The following SULT4A1 variants were observed in gnomAD, a reference collection of about 807,000 sequenced individuals.
SULT4A1 encodes the protein sulfotransferase family 4A member 1.
A neutral mutation model predicts 35.2 loss-of-function variants in SULT4A1; 11 were observed. That is an observed-to-expected ratio of 0.31 (90% CI 0.20 to 0.52). The LOEUF is 0.52. SULT4A1 is among the 20% of genes least tolerant of loss of function. SULT4A1 has a pLI of 0.97. For missense variants in SULT4A1, 271 were observed against 383.7 expected (o/e 0.71, Z 2.45); for synonymous variants, 152 against 151.8 (o/e 1.00, Z -0.01).
At chr22:43,827,427 T>C in intron 6 of SULT4A1, 2 of 1,194,088 alleles carry the variant, frequency 1.7e-6, no homozygotes, top group Non-Finnish European at 2.1e-6. Context: ...GGGGCAAAAT[T>C]AGAAGCTGCT....
chr22:43,837,941 G>A (rs550872799), intron 4 of SULT4A1, among the ~76,000 whole-genome samples: 1 of 152,334 alleles, frequency 6.6e-6, no homozygotes, highest in East Asian at 1.9e-4. Context: ...AAAACAGAAA[G>A]TGTATTTTCA....
chr22:43,841,115 G>C (rs1186318705), intron 2 of SULT4A1, among the ~76,000 whole-genome samples: 1 of 152,258 alleles, frequency 6.6e-6, no homozygotes, highest in Non-Finnish European at 1.5e-5. Context: ...ACGACTCCCA[G>C]ATGGTTCCGC....
At chr22:43,860,253 G>C (rs917800776) in intron 1 of SULT4A1, among the ~76,000 whole-genome samples, 2 of 152,260 alleles carry the variant, frequency 1.3e-5, no homozygotes, top group South Asian at 2.1e-4. Flanking sequence ...CTGGCTACTT[G>C]CCCCAACCCC....
exon 1 of SULT4A1, chr22:43,862,505 AGGCGTGACGTCATGGCGCCG>A: frequency 2.2e-6 from 2 of 891,812 alleles, no homozygotes; most frequent in Non-Finnish European, 2.7e-6. Flanking sequence ...GCAGCTCCGC[AGGCGTGACGTCATGGCGCCG>A]CCGACGCGCG....
intron 1 of SULT4A1, among the ~76,000 whole-genome samples, chr22:43,856,341 C>A (rs1389530924): frequency 6.6e-6 from 1 of 152,140 alleles, no homozygotes; most frequent in South Asian, 2.1e-4. Context: ...AGGAAACTGT[C>A]CCTGGGCCCT....
At chr22:43,838,818 G>A (rs749146549) in intron 4 of SULT4A1, 49 bp downstream of exon 4, 24 of 1,609,324 alleles carry the variant, frequency 1.5e-5, no homozygotes, top group Admixed American at 5.0e-5. Context: ...GGCCGTCCAC[G>A]ACAACAGACG....
At chr22:43,847,681 G>C (rs1435465061) in intron 1 of SULT4A1, among the ~76,000 whole-genome samples, 2 of 152,098 alleles carry the variant, frequency 1.3e-5, no homozygotes, top group African/African-American at 4.8e-5. Context: ...GCCAGCTTGG[G>C]CTTGCTCTGT....
rs750547397 is a variant in SULT4A1, at chr22:43,829,049, G to T, written c.742+11C>A. 7.1e-5 allele frequency: 108 copies of T among 1,516,294 alleles called. No individual in the cohort carries two copies. The Middle Eastern group carries it at 1.3e-3, about 18-fold the overall frequency. The allele number at this position is 1,516,294 out of a possible 1,614,324, so 93.9% of individuals were successfully genotyped here. Reference sequence around the variant, plus strand: ...GGAGTGCCTGGGCGGGAGGCAGGGTGGGGCACGTACCCCGGCCCACGGGCA... The same window carrying T: ...GGAGTGCCTGGGCGGGAGGCAGGGTTGGGCACGTACCCCGGCCCACGGGCA... On this transcript the variant is annotated intron_variant, in intron 6 of 6. Transcript: ENST00000330884.
intron 5 of SULT4A1, among the ~76,000 whole-genome samples, chr22:43,831,982 C>A (rs1043734611): frequency 6.6e-6 from 1 of 152,264 alleles, no homozygotes; most frequent in Non-Finnish European, 1.5e-5. Flanking sequence ...ACAGTCCTCC[C>A]AGCCACACAG....
intron 5 of SULT4A1, among the ~76,000 whole-genome samples, chr22:43,829,772 A>C (rs370782562): frequency 9.3e-4 from 113 of 121,794 alleles, no homozygotes; most frequent in Admixed American, 1.2e-3. Flanking sequence ...CCAGCCCCCC[A>C]CCCCTGCCAC....
chr22:43,838,753 A>T, intron 4 of SULT4A1, 114 bp downstream of exon 4: 2 of 1,443,918 alleles, frequency 1.4e-6, no homozygotes, highest in Non-Finnish European at 1.9e-6. Flanking sequence ...GGCCTGACCT[A>T]CATGGTCACT....
intron 1 of SULT4A1, among the ~76,000 whole-genome samples, chr22:43,848,705 A>G (rs905863752): frequency 5.3e-5 from 8 of 152,174 alleles, no homozygotes; most frequent in African/African-American, 1.7e-4. Flanking sequence ...GGCTGTGGCC[A>G]CACTGGGCCC....
At position 43,862,358 on chromosome 22, in the gene SULT4A1, G is replaced by C. The variant is rs1433107320; in HGVS notation, c.25C>G (p.Pro9Ala). 6.7e-7 allele frequency: 1 copy of C among 1,495,570 alleles called. No individual in the cohort carries two copies. Among genetic ancestry groups the C allele is most frequent in the Non-Finnish European group, 9.0e-7 (1 of 1,114,374 alleles). 92.6% of individuals were successfully genotyped at this position (1,495,570 alleles called of 1,614,324 possible). ...CTCTCGAACTCCCCCGGGGTGCTGG[G>C]GGTCTCGGCCTCGCTCTCCGCCATG... is the stretch of plus-strand genomic sequence containing the variant. Reference protein sequence around the residue: MAESEAETPSTPGEFESKY... With the variant: MAESEAETASTPGEFESKY... The change falls in exon 1 of 7, where the codon CCC becomes GCC. Residue 9 changes from proline to alanine, a missense_variant. Physicochemically the swap from Pro to Ala is conservative, Grantham distance 27. Around this residue, in one of 3 missense-constraint regions of SULT4A1, gnomAD observed 164 missense variants for 254.1 expected, o/e 0.65. Coordinates refer to ENST00000330884, the MANE Select transcript of SULT4A1 (RefSeq NM_014351.4).
At chr22:43,854,200 G>C (rs1371698154) in intron 1 of SULT4A1, among the ~76,000 whole-genome samples, 1 of 152,146 alleles carries the variant, frequency 6.6e-6, no homozygotes, top group Non-Finnish European at 1.5e-5. Flanking sequence ...GGGACTTCAC[G>C]GCCCCTCATA....
In SULT4A1 at chr22:43,835,091, C is replaced by G. The variant is rs1042597510; in HGVS notation, c.509-1357G>C. Among the ~76,000 whole-genome samples, 5 of 147,834 alleles carry G rather than the reference C, an allele frequency of 3.4e-5. 1 individual carries two copies. The highest frequency in any genetic ancestry group is 7.5e-5 in the Non-Finnish European group (5 of 66,766). Reference sequence around the variant, plus strand: ...CGCGGCCCTGAGCTTCCCGCGCCCCCACCGCTGCCCTGAGCTTCCCGCAGC... The same window carrying G: ...CGCGGCCCTGAGCTTCCCGCGCCCCGACCGCTGCCCTGAGCTTCCCGCAGC... On this transcript the variant is annotated intron_variant, in intron 4 of 6. Transcript: ENST00000330884.
chr22:43,853,036 A>C (rs935260001), intron 1 of SULT4A1, among the ~76,000 whole-genome samples: 1 of 152,002 alleles, frequency 6.6e-6, no homozygotes. Flanking sequence ...ACACAGACAC[A>C]CATGTATACT....
At chr22:43,841,042 C>A (rs1457792906) in intron 2 of SULT4A1, among the ~76,000 whole-genome samples, 3 of 152,268 alleles carry the variant, frequency 2.0e-5, no homozygotes, top group African/African-American at 7.2e-5. Flanking sequence ...CTGTCAGTCA[C>A]TGCTGCCCCC....
chr22:43,827,173 G>T, intron 6 of SULT4A1: 1 of 985,426 alleles, frequency 1.0e-6, no homozygotes, highest in Non-Finnish European at 1.2e-6. Flanking sequence ...TGCTCGTTTA[G>T]AATTCTTTCC....
At chr22:43,839,128 C>G in intron 3 of SULT4A1, 135 bp from the exon 4 acceptor site, 2 of 1,217,750 alleles carry the variant, frequency 1.6e-6, no homozygotes, top group Admixed American at 2.2e-5. Flanking sequence ...CAGCTGGGGC[C>G]CATGTGCACG....
Sources: gnomAD v4.1 joint callset for allele counts (sites outside exome capture counted in the v4.1 genomes callset) on GRCh38, gnomAD v4.1.1 for gene constraint, gnomAD v4.1.1 regional missense constraint, MANE v1.5 for transcripts, NCBI Gene and HGNC (gene_info 2026-07-23, HGNC 2026-07-21) for gene names.